The following XIRP2 variants were observed in gnomAD, a reference collection of about 807,000 sequenced individuals.
XIRP2 encodes xin actin-binding repeat-containing protein 2.
In XIRP2, 236 loss-of-function variants were observed where a neutral mutation model predicts 277.0. That is an observed-to-expected ratio of 0.85 (90% CI 0.77 to 0.95). The LOEUF (loss-of-function observed/expected upper bound fraction) is 0.95. Ranked by LOEUF, XIRP2 falls within the 40% of genes least tolerant of loss-of-function variation. The pLI, the probability that XIRP2 is intolerant of heterozygous loss-of-function variation, is 0.00. For missense variants in XIRP2, 4,640 were observed against 4,157.5 expected (o/e 1.12, Z -3.19); for synonymous variants, 1,490 against 1,416.5 (o/e 1.05, Z -1.17).
At chr2:167,097,629 A>T (rs1303623179) in intron 2 of XIRP2, among the ~76,000 whole-genome samples, 1 of 152,178 alleles carries the variant, frequency 6.6e-6, no homozygotes, top group East Asian at 1.9e-4. Flanking sequence ...CCATTAGTTG[A>T]TGCAGTTTCT....
chr2:166,975,896 A>G (rs1427372244), intron 2 of XIRP2, among the ~76,000 whole-genome samples: 1 of 125,036 alleles, frequency 8.0e-6, no homozygotes, highest in African/African-American at 3.1e-5. Context: ...GTGCTACTGT[A>G]CTCCAGCCTG....
At chr2:167,221,477 A>G (rs561964967) in intron 5 of XIRP2, among the ~76,000 whole-genome samples, 58 of 150,272 alleles carry the variant, frequency 3.9e-4, no homozygotes, top group African/African-American at 1.4e-3. Flanking sequence ...AAAAAAAAAA[A>G]AAAAAAAAGG....
At position 167,241,823 on chromosome 2, in the gene XIRP2, G is replaced by GTT; in HGVS notation, c.1090_1091dup (p.Leu364PhefsTer3). 6.2e-7 allele frequency: 1 copy of GTT among 1,613,684 alleles called. No homozygotes were observed. On this transcript the variant is annotated frameshift_variant, in exon 8 of 11. Coordinates refer to ENST00000409195, the MANE Select transcript of XIRP2 (RefSeq NM_152381.6). LOFTEE classifies it high-confidence loss of function. ...AAGAGATTCCAAAGGTTTCGACTAA[G>GTT]TTGTTAAAAGAGCAGTTTGAAAAGT...
rs550369981 is a variant in XIRP2 at position 167,246,150 on chromosome 2, G to A, written c.4758G>A (p.Lys1586=). The A allele has an allele frequency of 6.2e-6, 10 of 1,612,776 alleles. No homozygotes were observed. The South Asian group carries it at 8.8e-5, about 14-fold the overall frequency. Residue 1586 remains lysine, a synonymous_variant, in exon 9 of 11, where the codon AAG becomes AAA. Coordinates refer to ENST00000409195, the MANE Select transcript of XIRP2 (RefSeq NM_152381.6). ...EIGDVRMAKY[K]LMNQASPEIQ... ...GGGATGTTCGAATGGCAAAATACAA[G>A]CTAATGAACCAAGCATCTCCTGAGA...
At chr2:167,048,333 G>T (rs1688839419) in intron 2 of XIRP2, among the ~76,000 whole-genome samples, 1 of 151,866 alleles carries the variant, frequency 6.6e-6, no homozygotes, top group Non-Finnish European at 1.5e-5. Context: ...CTTAAATTCA[G>T]TTTATGTGTG....
chr2:166,929,182 C>T (rs1488686641), intron 2 of XIRP2, among the ~76,000 whole-genome samples: 5 of 151,624 alleles, frequency 3.3e-5, no homozygotes, highest in Admixed American at 2.6e-4. Flanking sequence ...TGAACAAGCC[C>T]TCCAGATGAT....
At chr2:167,196,475 T>C (rs1381434078) in intron 3 of XIRP2, among the ~76,000 whole-genome samples, 1 of 151,058 alleles carries the variant, frequency 6.6e-6, no homozygotes, top group Non-Finnish European at 1.5e-5. Context: ...TAGATGAGTG[T>C]TATTTGTGTG....
chr2:166,907,929 A>G (rs1684573486), intron 2 of XIRP2, among the ~76,000 whole-genome samples: 2 of 151,950 alleles, frequency 1.3e-5, no homozygotes, highest in Admixed American at 6.6e-5. Flanking sequence ...CTGTGTCCCT[A>G]CAAAGGACAT....
intron 2 of XIRP2, among the ~76,000 whole-genome samples, chr2:166,954,682 T>C (rs1023402822): frequency 4.6e-5 from 7 of 152,026 alleles, no homozygotes; most frequent in Non-Finnish European, 7.4e-5. Flanking sequence ...TGCCCATCAG[T>C]GATAGACTGG....
At chr2:166,932,003 G>C (rs1685353586) in intron 2 of XIRP2, among the ~76,000 whole-genome samples, 1 of 152,038 alleles carries the variant, frequency 6.6e-6, no homozygotes. Flanking sequence ...CATTTCCTTA[G>C]TAACTAATGA....
At chr2:166,934,483 A>G (rs1350964447) in intron 2 of XIRP2, among the ~76,000 whole-genome samples, 1 of 152,190 alleles carries the variant, frequency 6.6e-6, no homozygotes, top group Non-Finnish European at 1.5e-5. Flanking sequence ...AGTGCAGCCT[A>G]TTGAGACCCT....
intron 5 of XIRP2, among the ~76,000 whole-genome samples, chr2:167,231,825 A>G (rs900590143): frequency 6.6e-6 from 1 of 152,012 alleles, no homozygotes; most frequent in Admixed American, 6.6e-5. Flanking sequence ...TCCAATTTCA[A>G]GAAATTTATA....
intron 2 of XIRP2, among the ~76,000 whole-genome samples, chr2:167,013,386 T>C (rs1687734414): frequency 6.6e-6 from 1 of 151,478 alleles, no homozygotes; most frequent in Admixed American, 6.6e-5. Flanking sequence ...TGATCCTCTT[T>C]CTTATATACT....
At chr2:167,091,131 T>C (rs2105275352) in intron 2 of XIRP2, among the ~76,000 whole-genome samples, 1 of 152,298 alleles carries the variant, frequency 6.6e-6, no homozygotes, top group Non-Finnish European at 1.5e-5. Flanking sequence ...GCTGGAATGC[T>C]ACTTCTTTGT....
intron 2 of XIRP2, among the ~76,000 whole-genome samples, chr2:167,123,448 C>T (rs547019713): frequency 4.6e-5 from 7 of 152,132 alleles, no homozygotes; most frequent in South Asian, 4.1e-4. Flanking sequence ...CTAGGGGTGC[C>T]GTAACAAAAT....
intron 2 of XIRP2, among the ~76,000 whole-genome samples, chr2:166,925,800 A>C (rs1168055480): frequency 6.6e-6 from 1 of 151,594 alleles, no homozygotes; most frequent in Non-Finnish European, 1.5e-5. Context: ...GTGGTGGCTT[A>C]CCCCTCTAAT....
intron 2 of XIRP2, among the ~76,000 whole-genome samples, chr2:167,044,282 T>C (rs1479556642): frequency 6.6e-6 from 1 of 151,998 alleles, no homozygotes. Context: ...CTCAGAATAA[T>C]AAGAGCCATC....
In XIRP2 at chr2:166,997,121, C is replaced by T. The variant is rs948740572; in HGVS notation, c.408+93231C>T. ...ATACCTACATTTGGTATGATCATAC[C>T]TTCATTTTGGTACAGAACACATTTA... On this transcript the variant is annotated intron_variant, in intron 2 of 10. Coordinates refer to ENST00000409195, the MANE Select transcript of XIRP2 (RefSeq NM_152381.6). Among the ~76,000 whole-genome samples the T allele has an allele frequency of 1.2e-4, 19 of 152,052 alleles. 1 individual carries two copies. The highest frequency in any genetic ancestry group is 4.4e-5 in the Non-Finnish European group (3 of 68,000).
At chr2:167,064,364 T>C (rs1034558702) in intron 2 of XIRP2, among the ~76,000 whole-genome samples, 4 of 151,922 alleles carry the variant, frequency 2.6e-5, no homozygotes, top group Non-Finnish European at 5.9e-5. Context: ...ATATGCCGCA[T>C]AAGAATTTTA....
Sources: allele counts gnomAD v4.1 joint callset (sites outside exome capture counted in the v4.1 genomes callset), GRCh38; gene constraint gnomAD v4.1.1; transcripts MANE v1.5; gene names NCBI Gene and HGNC (gene_info 2026-07-23, HGNC 2026-07-21).